Variants in HGSNAT observed in about 807,000 individuals in gnomAD.
The protein encoded by HGSNAT is heparan-alpha-glucosaminide N-acetyltransferase.
HGSNAT carries 59 observed loss-of-function variants against 85.2 expected under a neutral mutation model. That is an observed-to-expected ratio of 0.69 (90% CI 0.56 to 0.86). HGSNAT has a LOEUF of 0.86. Ranked by LOEUF, HGSNAT falls within the 40% of genes least tolerant of loss-of-function variation. The pLI is 0.00. For missense variants in HGSNAT, 756 were observed against 777.1 expected (o/e 0.97, Z 0.32); for synonymous variants, 321 against 304.5 (o/e 1.05, Z -0.56).
Position 43,158,256 on chromosome 8 carries a change from G to A in HGSNAT, c.235-319G>A, listed in dbSNP as rs576299783. ...TGGGATTACAGGCATGTGCCACCACGTCCAGCTAATTTTTGTATTTTTTAG... is the reference window on the plus strand; with the variant it reads ...TGGGATTACAGGCATGTGCCACCACATCCAGCTAATTTTTGTATTTTTTAG... On this transcript the variant is annotated intron_variant, in intron 2 of 17. Transcript: ENST00000379644. Among the ~76,000 whole-genome samples, 20 of 152,134 alleles carry A rather than the reference G, an allele frequency of 1.3e-4. No individual in the cohort carries two copies. In the East Asian group the frequency reaches 3.7e-3, roughly 28 times the overall value.
At chr8:43,186,982 T>C (rs184434963) in intron 11 of HGSNAT, among the ~76,000 whole-genome samples, 3 of 152,358 alleles carry the variant, frequency 2.0e-5, no homozygotes, top group Admixed American at 1.3e-4. Context: ...TGAGTTCTAA[T>C]TTGATTGCAC....
intron 10 of HGSNAT, among the ~76,000 whole-genome samples, chr8:43,179,540 C>G (rs540431008): frequency 0.01 from 1,141 of 110,964 alleles, 55 homozygotes; most frequent in African/African-American, 0.038. Context: ...GCCGACCCCC[C>G]CCACCGCCTC....
chr8:43,159,587 C>A (rs954647769), intron 4 of HGSNAT, among the ~76,000 whole-genome samples: 3 of 151,466 alleles, frequency 2.0e-5, no homozygotes, highest in Non-Finnish European at 4.4e-5. Context: ...GACCTTGTCT[C>A]AAAAAAAATT....
At chr8:43,173,886 C>A (rs1563369705) in intron 9 of HGSNAT, 143 bp downstream of exon 9, 4 of 838,872 alleles carry the variant, frequency 4.8e-6, no homozygotes, top group Non-Finnish European at 5.6e-6. Flanking sequence ...CTGGATAGTT[C>A]TCATACTTGA....
chr8:43,152,041 C>T (rs979280962), intron 2 of HGSNAT, among the ~76,000 whole-genome samples: 1 of 152,156 alleles, frequency 6.6e-6, no homozygotes, highest in African/African-American at 2.4e-5. Flanking sequence ...CTAATCCCAG[C>T]ACTTTGGGAG....
At chr8:43,146,405 C>T (rs373246348) in intron 1 of HGSNAT, among the ~76,000 whole-genome samples, 3 of 152,162 alleles carry the variant, frequency 2.0e-5, no homozygotes, top group African/African-American at 2.4e-5. Context: ...TGGCTACAAT[C>T]GCAGCTCAGT....
At chr8:43,170,524 A>T in intron 6 of HGSNAT, 61 bp from the exon 7 acceptor site, 1 of 1,292,622 alleles carries the variant, frequency 7.7e-7, no homozygotes, top group Admixed American at 2.0e-5. Context: ...TCAAAAAATG[A>T]CAAAATGAAA....
intron 8 of HGSNAT, among the ~76,000 whole-genome samples, chr8:43,173,371 G>A (rs972990193): frequency 9.9e-5 from 15 of 151,148 alleles, no homozygotes; most frequent in East Asian, 5.9e-4. Context: ...GTGCAATGGC[G>A]CGATCTTGGC....
rs1266245327 is a variant in HGSNAT, at chr8:43,199,498, A to G, written c.1837A>G (p.Ile613Val). The change falls in exon 18 of 18, where the codon ATC becomes GTC. Residue 613 changes from isoleucine (I) to valine (V), a missense_variant. Coordinates refer to ENST00000379644, the MANE Select transcript of HGSNAT (RefSeq NM_152419.3). ...CCACAAGGAGCACCTGACTCAGAAC[A>G]TCGTCGCCACTGCCCTCTGGGTGCT... is the stretch of plus-strand genomic sequence containing the variant. Reference protein sequence around the residue: ...QSHKEHLTQNIVATALWVLIA... With the variant: ...QSHKEHLTQNVVATALWVLIA... The G allele has an allele frequency of 5.0e-6, 8 of 1,611,932 alleles. No individual in the cohort carries two copies. Among genetic ancestry groups the G allele is most frequent in the Non-Finnish European group, 5.9e-6 (7 of 1,179,002 alleles).
intron 5 of HGSNAT, 94 bp downstream of exon 5, chr8:43,161,601 T>G: frequency 1.2e-6 from 1 of 858,210 alleles, no homozygotes. Flanking sequence ...GCCATATTCT[T>G]CGATGATATG....
intron 1 of HGSNAT, among the ~76,000 whole-genome samples, chr8:43,141,332 C>G (rs1177963575): frequency 6.6e-6 from 1 of 151,988 alleles, no homozygotes; most frequent in African/African-American, 2.4e-5. Flanking sequence ...CCGGGCTGGG[C>G]GCTTTTGCCC....
At position 43,178,132 on chromosome 8, in the gene HGSNAT, G is replaced by T; in HGVS notation, c.910G>T (p.Gly304Trp). 2 of 1,608,254 alleles carry T rather than the reference G, an allele frequency of 1.2e-6. No homozygotes were observed. The highest frequency in any genetic ancestry group is 1.7e-6 in the Non-Finnish European group (2 of 1,177,968). Residue 304 changes from glycine to tryptophan, a missense_variant, in exon 10 of 18, where the codon GGG (glycine) becomes TGG (tryptophan). Coordinates refer to ENST00000379644, the MANE Select transcript of HGSNAT (RefSeq NM_152419.3). ...ATCGATGACTTCTATACTGCAACGG[G>T]GGTGTTCAAAATTCAGATTGCTGGG... ...FLSMTSILQRGCSKFRLLGKI... is the reference protein window; with the variant it reads ...FLSMTSILQRWCSKFRLLGKI...
chr8:43,144,269 G>A (rs574595567), intron 1 of HGSNAT, among the ~76,000 whole-genome samples: 1 of 151,458 alleles, frequency 6.6e-6, no homozygotes, highest in South Asian at 2.1e-4. Context: ...AGGCTGCAGT[G>A]GGCCGAGATC....
chr8:43,163,536 T>A (rs78623069), intron 5 of HGSNAT, among the ~76,000 whole-genome samples: 192 of 150,726 alleles, frequency 1.3e-3, no homozygotes, highest in African/African-American at 4.4e-3. Context: ...TTTTTTTTTT[T>A]AATTTTTTGA....
chr8:43,198,179 G>T (rs1023478281), intron 17 of HGSNAT, among the ~76,000 whole-genome samples: 23 of 152,048 alleles, frequency 1.5e-4, no homozygotes, highest in African/African-American at 5.3e-4. Context: ...GTAGGTTGTG[G>T]AGTCGTTGTA....
chr8:43,144,804 G>A (rs746299665), intron 1 of HGSNAT, among the ~76,000 whole-genome samples: 8 of 152,304 alleles, frequency 5.3e-5, no homozygotes, highest in Non-Finnish European at 2.9e-5. Flanking sequence ...TCTTTGAAAA[G>A]TAATGTTTTA....
chr8:43,154,003 A>C (rs1422775406), intron 2 of HGSNAT, among the ~76,000 whole-genome samples: 1 of 152,180 alleles, frequency 6.6e-6, no homozygotes, highest in Non-Finnish European at 1.5e-5. Flanking sequence ...TGCTGTATTA[A>C]ACATGGGAGT....
intron 2 of HGSNAT, among the ~76,000 whole-genome samples, chr8:43,152,766 C>T (rs1802958675): frequency 6.6e-6 from 1 of 151,932 alleles, no homozygotes; most frequent in Non-Finnish European, 1.5e-5. Context: ...GAAAATGATA[C>T]ATTTAAATGA....
chr8:43,162,064 T>G (rs1803284394), intron 5 of HGSNAT, among the ~76,000 whole-genome samples: 1 of 152,200 alleles, frequency 6.6e-6, no homozygotes, highest in African/African-American at 2.4e-5. Context: ...CTGGTAAGAG[T>G]GAATTAGTAG....
Sources: allele counts gnomAD v4.1 joint callset (sites outside exome capture counted in the v4.1 genomes callset), GRCh38; gene constraint gnomAD v4.1.1; transcripts MANE v1.5; gene names NCBI Gene and HGNC (gene_info 2026-07-23, HGNC 2026-07-21).